Variants in CHST15 observed in about 807,000 individuals in gnomAD.
CHST15 encodes the protein carbohydrate sulfotransferase 15, also known as B cell RAG associated protein (GALNAC4S-6ST).
CHST15 carries 30 observed loss-of-function variants against 53.6 expected under a neutral mutation model. The observed-to-expected ratio is 0.56, with a 90% CI of 0.42 to 0.76. The LOEUF (loss-of-function observed/expected upper bound fraction) is 0.76, where lower values mean the gene tolerates loss of function less well. Ranked by LOEUF, CHST15 falls within the 30% of genes least tolerant of loss-of-function variation. CHST15 has a pLI of 0.00. For missense variants in CHST15, 627 were observed against 740.5 expected (o/e 0.85, Z 1.78); for synonymous variants, 296 against 289.8 (o/e 1.02, Z -0.22).
At chr10:124,060,970 AC>A (rs2134099053) in intron 1 of CHST15, among the ~76,000 whole-genome samples, 1 of 152,302 alleles carries the variant, frequency 6.6e-6, no homozygotes, top group South Asian at 2.1e-4. Flanking sequence ...CAAGCTGGGA[AC>A]CTGCTTCCTC....
At chr10:124,015,916 T>C (rs959417988) in intron 6 of CHST15, among the ~76,000 whole-genome samples, 1 of 151,928 alleles carries the variant, frequency 6.6e-6, no homozygotes, top group Admixed American at 6.6e-5. Flanking sequence ...AAGGAGGGAG[T>C]GGTGACGAGC....
intron 5 of CHST15, among the ~76,000 whole-genome samples, chr10:124,038,269 G>GC (rs1947595030): frequency 1.3e-5 from 2 of 151,900 alleles, no homozygotes; most frequent in Admixed American, 1.3e-4. Flanking sequence ...ACCACATCTG[G>GC]TAATTTTTGT....
chr10:124,092,974 G>C (rs1052716097), intron 1 of CHST15, among the ~76,000 whole-genome samples: 12 of 152,294 alleles, frequency 7.9e-5, no homozygotes, highest in Admixed American at 2.6e-4. Flanking sequence ...GCCGGCCTCC[G>C]GCTATCCACG....
intron 7 of CHST15, chr10:124,010,892 GCT>G: frequency 1.0e-6 from 1 of 985,450 alleles, no homozygotes; most frequent in South Asian, 4.7e-5. Context: ...GCCCCCACTG[GCT>G]GAACCTCCAT....
rs942529205 is a variant in CHST15, at chr10:124,036,280, G to A, written c.1190+2235C>T. On this transcript the variant is annotated intron_variant, in intron 5 of 7. Transcript: ENST00000435907. The surrounding 1 kb of genome is among the most constrained non-coding windows in gnomAD (Gnocchi z 5.1). ...TGGAGGGAGACCACTCAGCAGGGCC[G>A]ATTTCTGCCTCCAAAACACGGGAAC... 6.6e-6 allele frequency among the ~76,000 whole-genome samples: 1 copy of A among 152,152 alleles called. No individual in the cohort carries two copies. The highest frequency in any genetic ancestry group is 6.5e-5 in the Admixed American group (1 of 15,278).
At chr10:124,063,535 C>T (rs1564899901) in intron 1 of CHST15, among the ~76,000 whole-genome samples, 3 of 152,116 alleles carry the variant, frequency 2.0e-5, no homozygotes. Context: ...TATTTATAGA[C>T]CTATCACCCA....
At chr10:124,035,002 T>C (rs112783614) in intron 5 of CHST15, among the ~76,000 whole-genome samples, 9,216 of 40,404 alleles carry the variant, frequency 0.23, 701 homozygotes, top group African/African-American at 0.25. Context: ...TACCCCCTAA[T>C]AGGGACCCTG....
In CHST15 at chr10:124,018,292, A is replaced by G. The variant is rs60287698; in HGVS notation, c.1347+2964T>C. The stretch of plus-strand genomic sequence containing the variant: ...AAATTCACCTGGAGACAGTCTCCTG[A>G]CGATGTCACACATTTTGTTTGTAAT... On this transcript the variant is annotated intron_variant, in intron 6 of 7. Transcript: ENST00000435907. Among the ~76,000 whole-genome samples, 330 of 152,258 alleles carry G rather than the reference A, an allele frequency of 2.2e-3. 2 individuals are homozygous for G. The highest frequency in any genetic ancestry group is 7.8e-3 in the African/African-American group (322 of 41,476).
chr10:124,053,166 A>AT (rs1221604536), intron 1 of CHST15, among the ~76,000 whole-genome samples: 2 of 152,208 alleles, frequency 1.3e-5, no homozygotes, highest in Non-Finnish European at 2.9e-5. Flanking sequence ...ATTGGTCTCA[A>AT]TTTTTTCTTC....
Position 124,021,246 on chromosome 10 carries a change from G to T in CHST15, c.1347+10C>A, listed in dbSNP as rs200905582. 23 of 1,562,710 alleles carry T rather than the reference G, an allele frequency of 1.5e-5. 1 individual carries two copies. Among genetic ancestry groups the T allele is most frequent in the African/African-American group, 1.4e-4 (10 of 73,908 alleles). On this transcript the variant is annotated intron_variant, in intron 6 of 7. Coordinates refer to ENST00000435907, the MANE Select transcript of CHST15 (RefSeq NM_001270764.2). Reference sequence around the variant, plus strand: ...CCAGCTCGGGGGGTACGGGGGGGGGGGGTACACACAGGCATGGCGTTGTTG... The same window carrying T: ...CCAGCTCGGGGGGTACGGGGGGGGGTGGTACACACAGGCATGGCGTTGTTG...
intron 4 of CHST15, among the ~76,000 whole-genome samples, chr10:124,039,533 G>A (rs1008277562): frequency 6.6e-6 from 1 of 152,260 alleles, no homozygotes; most frequent in Non-Finnish European, 1.5e-5. Context: ...CTCCTGCGAG[G>A]CGACTGCTCT....
At position 124,074,219 on chromosome 10, in the gene CHST15, C is replaced by T. The variant is rs552421378; in HGVS notation, c.-513+19250G>A. On this transcript the variant is annotated intron_variant, in intron 1 of 7. Coordinates refer to ENST00000435907, the MANE Select transcript of CHST15 (RefSeq NM_001270764.2). The surrounding 1 kb of genome is among the most constrained non-coding windows in gnomAD (Gnocchi z 4.4). ...TCATTTCTGCAGGGCCAGTGCCCCC[C>T]GGCTGGGAAAGACACCGAACCCTTG... is the stretch of plus-strand genomic sequence containing the variant. Among the ~76,000 whole-genome samples, 10 of 152,296 alleles carry T rather than the reference C, an allele frequency of 6.6e-5. No homozygotes were observed. Among genetic ancestry groups the T allele is most frequent in the South Asian group, 4.1e-4 (2 of 4,820 alleles).
At chr10:124,022,608 C>G (rs895838756) in intron 5 of CHST15, among the ~76,000 whole-genome samples, 2 of 152,072 alleles carry the variant, frequency 1.3e-5, no homozygotes, top group Non-Finnish European at 2.9e-5. Context: ...TAGCCAGAAT[C>G]CCCCACCCTT....
intron 1 of CHST15, among the ~76,000 whole-genome samples, chr10:124,057,327 C>T (rs576549224): frequency 1.3e-5 from 2 of 152,306 alleles, no homozygotes; most frequent in East Asian, 1.9e-4. Context: ...GACTAGCCGG[C>T]GCAGCGCTTG....
chr10:124,078,699 C>T (rs530464524), intron 1 of CHST15, among the ~76,000 whole-genome samples: 1 of 152,320 alleles, frequency 6.6e-6, no homozygotes, highest in Non-Finnish European at 1.5e-5. Flanking sequence ...ATTGAAACAT[C>T]CTCTAAAAGA....
At chr10:124,011,050 A>G (rs541790383) in intron 7 of CHST15, 24 of 980,206 alleles carry the variant, frequency 2.4e-5, no homozygotes, top group Non-Finnish European at 2.5e-5. Context: ...TGGAGTGAGG[A>G]GAGGCCCTGG....
At chr10:124,092,100 T>C (rs113458171) in intron 1 of CHST15, among the ~76,000 whole-genome samples, 2 of 152,064 alleles carry the variant, frequency 1.3e-5, no homozygotes, top group Non-Finnish European at 2.9e-5. Context: ...AAAGGCAAGG[T>C]TCCCTTCGCC....
At chr10:124,058,017 G>T (rs1948439086) in intron 1 of CHST15, among the ~76,000 whole-genome samples, 1 of 152,220 alleles carries the variant, frequency 6.6e-6, no homozygotes, top group South Asian at 2.1e-4. Flanking sequence ...AAAGGTCTTT[G>T]TGACACAATC....
At chr10:124,040,357 C>T (rs1564875199) in intron 4 of CHST15, among the ~76,000 whole-genome samples, 2 of 152,242 alleles carry the variant, frequency 1.3e-5, no homozygotes, top group South Asian at 2.1e-4. Flanking sequence ...GACCTTAAGA[C>T]ATAAGGGGGA....
Sources: allele counts gnomAD v4.1 joint callset (sites outside exome capture counted in the v4.1 genomes callset), GRCh38; gene constraint gnomAD v4.1.1; non-coding constraint Gnocchi (gnomAD v3.1); transcripts MANE v1.5; gene names NCBI Gene and HGNC (gene_info 2026-07-23, HGNC 2026-07-21).